The following PLXDC2 variants were observed in gnomAD, a reference collection of about 807,000 sequenced individuals.
PLXDC2 encodes the protein plexin domain-containing protein 2.
A neutral mutation model predicts 68.9 loss-of-function variants in PLXDC2; 40 were observed. The observed-to-expected ratio is 0.58, with a 90% CI of 0.45 to 0.76. The LOEUF (loss-of-function observed/expected upper bound fraction) is 0.76. Ranked by LOEUF, PLXDC2 falls within the 30% of genes least tolerant of loss-of-function variation. PLXDC2 has a pLI of 0.00. For missense variants in PLXDC2, 644 were observed against 661.9 expected, an observed-to-expected ratio of 0.97 and a Z score of 0.30; for synonymous variants, 243 against 234.2, an observed-to-expected ratio of 1.04 and a Z score of -0.34.
At chr10:19,912,265 T>C (rs1329890461) in intron 1 of PLXDC2, among the ~76,000 whole-genome samples, 2 of 152,204 alleles carry the variant, frequency 1.3e-5, no homozygotes, top group African/African-American at 4.8e-5. Flanking sequence ...ATACAAAAAC[T>C]TGTTTTATTC....
intron 3 of PLXDC2, among the ~76,000 whole-genome samples, chr10:20,061,665 T>A (rs954305004): frequency 6.6e-5 from 10 of 152,354 alleles, no homozygotes; most frequent in South Asian, 4.1e-4. Flanking sequence ...TAGCGTTCAC[T>A]CTTGCTAACT....
chr10:19,845,462 G>A (rs1208333072), intron 1 of PLXDC2, among the ~76,000 whole-genome samples: 1 of 152,102 alleles, frequency 6.6e-6, no homozygotes, highest in African/African-American at 2.4e-5. Context: ...AGGCCCTAGC[G>A]GGAAACCCTT....
chr10:19,843,521 A>T (rs750822111), intron 1 of PLXDC2, among the ~76,000 whole-genome samples: 5 of 152,222 alleles, frequency 3.3e-5, no homozygotes, highest in Non-Finnish European at 7.3e-5. Flanking sequence ...TTAGAAAATA[A>T]GAGAAGTGAG....
At chr10:20,192,676 A>C (rs1302046976) in intron 9 of PLXDC2, among the ~76,000 whole-genome samples, 1 of 152,076 alleles carries the variant, frequency 6.6e-6, no homozygotes, top group Non-Finnish European at 1.5e-5. Context: ...CAGCACCCAC[A>C]TAGAGCCAGA....
chr10:20,219,092 A>G lies in PLXDC2; in HGVS notation c.1302A>G (p.Lys434=), dbSNP rs779595347. 73 of 1,606,456 alleles carry G rather than the reference A, an allele frequency of 4.5e-5. No individual in the cohort carries two copies. Among genetic ancestry groups the G allele is most frequent in the Non-Finnish European group, 6.0e-5 (70 of 1,176,252 alleles). The part of the protein sequence containing the change: ...EDDTKIALHL[K]DNGASTDDSA... Reference sequence around the variant, plus strand: ...ATACCAAGATAGCACTACATCTAAAAGATAATGGAGGTAGGAATTGATACT... The same window carrying G: ...ATACCAAGATAGCACTACATCTAAAGGATAATGGAGGTAGGAATTGATACT... Residue 434 remains lysine, a synonymous_variant, in exon 12 of 14, where the codon AAA becomes AAG. Transcript: ENST00000377252.
intron 1 of PLXDC2, among the ~76,000 whole-genome samples, chr10:19,880,168 G>A (rs1268924172): frequency 1.3e-5 from 2 of 152,070 alleles, no homozygotes; most frequent in African/African-American, 2.4e-5. Flanking sequence ...CTGTTACATG[G>A]CAGAGTTGAA....
rs570674304 is a variant in PLXDC2, at chr10:20,209,286, C to T, written c.1062-2383C>T. Among the ~76,000 whole-genome samples the T allele has an allele frequency of 2.6e-5, 4 of 152,160 alleles. No homozygotes were observed. The East Asian group carries it at 7.8e-4, about 30-fold the overall frequency. On this transcript the variant is annotated intron_variant, in intron 9 of 13. Transcript: ENST00000377252. ...CTGAAGCGGCCATTTCAGAGGCCTACCTTCAGGGACGCATTCTCTTTCAGG... is the reference window on the plus strand; with the variant it reads ...CTGAAGCGGCCATTTCAGAGGCCTATCTTCAGGGACGCATTCTCTTTCAGG...
intron 2 of PLXDC2, among the ~76,000 whole-genome samples, chr10:20,034,353 C>T (rs1298621083): frequency 6.6e-6 from 1 of 152,072 alleles, no homozygotes. Context: ...CCTCTGTATT[C>T]TCTTTAGGGT....
At chr10:20,243,036 T>C (rs1835538684) in intron 12 of PLXDC2, among the ~76,000 whole-genome samples, 1 of 152,156 alleles carries the variant, frequency 6.6e-6, no homozygotes, top group African/African-American at 2.4e-5. Flanking sequence ...TTAACTGTTT[T>C]TTACATTAGT....
At chr10:20,211,910 A>T (rs1564355129) in intron 10 of PLXDC2, among the ~76,000 whole-genome samples, 181 bp downstream of exon 10, 1 of 152,114 alleles carries the variant, frequency 6.6e-6, no homozygotes, top group African/African-American at 2.4e-5. Flanking sequence ...TTTTTGTTAA[A>T]TTAGATAACA....
At chr10:20,174,685 C>G (rs1039923583) in intron 7 of PLXDC2, among the ~76,000 whole-genome samples, 2 of 151,904 alleles carry the variant, frequency 1.3e-5, no homozygotes, top group Non-Finnish European at 2.9e-5. Flanking sequence ...GGAGATATAC[C>G]TAATGTAAAT....
intron 13 of PLXDC2, among the ~76,000 whole-genome samples, chr10:20,274,558 C>G (rs1193006780): frequency 6.6e-6 from 1 of 152,120 alleles, no homozygotes; most frequent in Admixed American, 6.6e-5. Context: ...AACTTCCACA[C>G]CAGGAAGAAT....
At chr10:19,859,244 A>AAAATAAAC (rs1554840516) in intron 1 of PLXDC2, among the ~76,000 whole-genome samples, 8 of 151,882 alleles carry the variant, frequency 5.3e-5, no homozygotes, top group African/African-American at 1.9e-4. Flanking sequence ...CACAGGGCAA[A>AAAATAAAC]AAACAAACAA....
chr10:20,080,595 C>G (rs1836536612), intron 4 of PLXDC2, among the ~76,000 whole-genome samples: 1 of 152,158 alleles, frequency 6.6e-6, no homozygotes, highest in Non-Finnish European at 1.5e-5. Flanking sequence ...TCAGCTTCTC[C>G]CACCTTCTCC....
chr10:19,920,171 C>A (rs1054326817), intron 1 of PLXDC2, among the ~76,000 whole-genome samples: 1 of 152,086 alleles, frequency 6.6e-6, no homozygotes, highest in South Asian at 2.1e-4. Flanking sequence ...GCGTGTGATA[C>A]GGCAGTGCTG....
intron 1 of PLXDC2, among the ~76,000 whole-genome samples, chr10:19,820,559 G>C (rs866766970): frequency 3.4e-4 from 52 of 151,920 alleles, no homozygotes; most frequent in African/African-American, 1.2e-3. Flanking sequence ...GCGGGAACCC[G>C]GGAAGCGGAG....
At position 19,820,599 on chromosome 10, in the gene PLXDC2, AGT is replaced by A. The variant is rs1836446890; in HGVS notation, c.112+3409_112+3410del. On this transcript the variant is annotated intron_variant, in intron 1 of 13. Transcript: ENST00000377252. The stretch of plus-strand genomic sequence containing the variant: ...CAGTGAGCCGAGATTGCGCCACTGC[AGT>A]CCGCAGTCCGGCCTGGGCGACAGAG... 2.7e-5 allele frequency among the ~76,000 whole-genome samples: 4 copies of A among 150,674 alleles called. No individual in the cohort carries two copies. In the South Asian group the frequency reaches 6.2e-4, roughly 24 times the overall value.
chr10:19,853,653 G>T (rs1288896229), intron 1 of PLXDC2, among the ~76,000 whole-genome samples: 1 of 20,488 alleles, frequency 4.9e-5, no homozygotes, highest in Non-Finnish European at 8.6e-5. Context: ...TGCTTTGGGT[G>T]GGGGGGGGGT....
chr10:20,119,244 T>A (rs1162326742), intron 4 of PLXDC2, among the ~76,000 whole-genome samples: 1 of 152,208 alleles, frequency 6.6e-6, no homozygotes, highest in Non-Finnish European at 1.5e-5. Flanking sequence ...ACAGGCTTTG[T>A]GTGAGCAACA....
Sources: allele counts gnomAD v4.1 joint callset (sites outside exome capture counted in the v4.1 genomes callset), GRCh38; gene constraint gnomAD v4.1.1; transcripts MANE v1.5; gene names NCBI Gene and HGNC (gene_info 2026-07-23, HGNC 2026-07-21).